XXYLT1: variants seen among roughly 807,000 people sequenced by gnomAD.
XXYLT1 encodes the protein UDP-xylose:alpha-xyloside alpha-1,3-xylosyltransferase.
A neutral mutation model predicts 28.9 loss-of-function variants in XXYLT1; 20 were observed. The ratio of observed to expected loss-of-function variants is 0.69; its 90% CI spans 0.49 to 1.00. The LOEUF (loss-of-function observed/expected upper bound fraction) is 1.00, where lower values mean the gene tolerates loss of function less well. Ranked by LOEUF, XXYLT1 falls within the 50% of genes least tolerant of loss-of-function variation. The pLI, the probability that XXYLT1 is intolerant of heterozygous loss-of-function variation, is 0.00. For missense variants in XXYLT1, 542 were observed against 560.1 expected (o/e 0.97, Z 0.33); for synonymous variants, 257 against 253.8 (o/e 1.01, Z -0.12).
intron 1 of XXYLT1, among the ~76,000 whole-genome samples, chr3:195,252,683 GA>G (rs1725302527): frequency 6.8e-5 from 4 of 58,846 alleles, no homozygotes; most frequent in African/African-American, 1.8e-4. Context: ...TTCAAAAGAA[GA>G]AAAAAAACCA....
chr3:195,177,976 T>C (rs1460561459), intron 2 of XXYLT1, among the ~76,000 whole-genome samples: 4 of 151,570 alleles, frequency 2.6e-5, no homozygotes, highest in Admixed American at 2.6e-4. Context: ...GAAATGTTGC[T>C]TTTGTTGACT....
At chr3:195,259,765 C>T (rs1016742219) in intron 1 of XXYLT1, 4 of 745,614 alleles carry the variant, frequency 5.4e-6, no homozygotes, top group South Asian at 1.2e-4. Context: ...AATTCCCCAC[C>T]GGCGCCAGGA....
intron 3 of XXYLT1, among the ~76,000 whole-genome samples, chr3:195,100,536 C>T (rs1003844209): frequency 1.3e-5 from 2 of 152,058 alleles, no homozygotes; most frequent in Non-Finnish European, 2.9e-5. Context: ...ACACATAAGG[C>T]TCCCGGTGAT....
intron 2 of XXYLT1, among the ~76,000 whole-genome samples, chr3:195,213,723 G>C (rs904537916): frequency 6.6e-6 from 1 of 152,168 alleles, no homozygotes; most frequent in African/African-American, 2.4e-5. Context: ...CTTTTGGTTT[G>C]CTCCAAAGGG....
chr3:195,227,523 G>A (rs1053033273), intron 1 of XXYLT1, among the ~76,000 whole-genome samples: 9 of 152,198 alleles, frequency 5.9e-5, no homozygotes, highest in African/African-American at 2.2e-4. Flanking sequence ...GCACTTAGAA[G>A]TCCAGAGGTA....
At chr3:195,202,482 A>G (rs1722903008) in intron 2 of XXYLT1, among the ~76,000 whole-genome samples, 1 of 152,184 alleles carries the variant, frequency 6.6e-6, no homozygotes, top group Admixed American at 6.5e-5. Context: ...CCAAAGATGA[A>G]CAGAACCTCA....
intron 3 of XXYLT1, among the ~76,000 whole-genome samples, chr3:195,074,916 A>G (rs2642394): frequency 0.31 from 46,526 of 152,084 alleles, 8,095 homozygotes; most frequent in East Asian, 0.78. Context: ...ACAAGACCTA[A>G]AGCAGGCTGA....
chr3:195,068,358 G>A lies in XXYLT1; in HGVS notation c.*1357C>T, dbSNP rs1371829733. ...CGTAAATGAAATCAAAACAAAACAA[G>A]ATGAAAATTGATACAAATGGACCCC... On this transcript the variant is annotated 3_prime_UTR_variant, in exon 4 of 4. Transcript: ENST00000310380. 5.3e-5 allele frequency: 8 copies of A among 150,364 alleles called. No individual in the cohort carries two copies. The highest frequency in any genetic ancestry group is 4.6e-4 in the Admixed American group (7 of 15,104). 9.3% of individuals were successfully genotyped at this position (150,364 alleles called of 1,614,324 possible).
At chr3:195,228,817 C>CTT (rs201938499) in intron 1 of XXYLT1, among the ~76,000 whole-genome samples, 3 of 145,566 alleles carry the variant, frequency 2.1e-5, no homozygotes, top group African/African-American at 7.7e-5. Flanking sequence ...ATATGTATCT[C>CTT]TTTTTTTTTT....
Position 195,069,681 on chromosome 3 carries a change from TC to T in XXYLT1, c.*33del. ...CAAGGAACCCTGTCCTTCCCCCAGA[TC>T]TGGAGGCCCCGGGGGCAAGGCACGG... On this transcript the variant is annotated 3_prime_UTR_variant, in exon 4 of 4. Coordinates refer to ENST00000310380, the MANE Select transcript of XXYLT1 (RefSeq NM_152531.5). The T allele has an allele frequency of 6.3e-7, 1 of 1,581,510 alleles. No individual in the cohort carries two copies. Among genetic ancestry groups the T allele is most frequent in the Non-Finnish European group, 8.6e-7 (1 of 1,166,522 alleles).
At chr3:195,236,484 T>A (rs1414879493) in intron 1 of XXYLT1, among the ~76,000 whole-genome samples, 1 of 152,018 alleles carries the variant, frequency 6.6e-6, no homozygotes, top group Non-Finnish European at 1.5e-5. Flanking sequence ...GGGACTCTCT[T>A]CAGGGCAGTG....
chr3:195,247,257 G>C (rs1004929270), intron 1 of XXYLT1, among the ~76,000 whole-genome samples: 22 of 152,226 alleles, frequency 1.4e-4, no homozygotes, highest in African/African-American at 5.3e-4. Flanking sequence ...TGAAATCTGA[G>C]GGTGGTCGGT....
intron 1 of XXYLT1, among the ~76,000 whole-genome samples, chr3:195,264,698 C>T (rs894855482): frequency 5.9e-5 from 9 of 152,216 alleles, no homozygotes; most frequent in African/African-American, 2.2e-4. Flanking sequence ...GTACCTAGAA[C>T]AGTGTCTGGC....
intron 2 of XXYLT1, among the ~76,000 whole-genome samples, chr3:195,214,184 C>A (rs1269501343): frequency 6.6e-6 from 1 of 152,150 alleles, no homozygotes; most frequent in East Asian, 1.9e-4. Flanking sequence ...GAGGTCAGCC[C>A]CGTTACAGTT....
chr3:195,119,084 T>C (rs9837538), intron 3 of XXYLT1, among the ~76,000 whole-genome samples: 82,363 of 150,832 alleles, frequency 0.55, 23,107 homozygotes, highest in Middle Eastern at 0.67. Flanking sequence ...AAGACCAGCC[T>C]GGCCAGCATG....
chr3:195,186,601 G>T (rs1389218228), intron 2 of XXYLT1, among the ~76,000 whole-genome samples: 3 of 152,106 alleles, frequency 2.0e-5, no homozygotes, highest in Non-Finnish European at 2.9e-5. Context: ...TCTGGAGGAA[G>T]TCTTTAGTAA....
At chr3:195,246,964 C>T (rs1304085942) in intron 1 of XXYLT1, among the ~76,000 whole-genome samples, 1 of 152,204 alleles carries the variant, frequency 6.6e-6, no homozygotes, top group African/African-American at 2.4e-5. Context: ...TGCACGGAGT[C>T]ACTCACCATC....
At chr3:195,117,339 C>T (rs1454846703) in intron 3 of XXYLT1, among the ~76,000 whole-genome samples, 1 of 152,160 alleles carries the variant, frequency 6.6e-6, no homozygotes, top group African/African-American at 2.4e-5. Context: ...GTGGGCCATC[C>T]ATCCTATGGA....
At chr3:195,121,818 T>C (rs950337884) in intron 3 of XXYLT1, among the ~76,000 whole-genome samples, 2 of 152,252 alleles carry the variant, frequency 1.3e-5, no homozygotes, top group African/African-American at 4.8e-5. Context: ...GGCAAGTGGC[T>C]ACCCCTCTCT....
Sources: allele counts gnomAD v4.1 joint callset (sites outside exome capture counted in the v4.1 genomes callset), GRCh38; gene constraint gnomAD v4.1.1; transcripts MANE v1.5; gene names NCBI Gene and HGNC (gene_info 2026-07-23, HGNC 2026-07-21).